FSTL5: variants seen among roughly 807,000 people sequenced by gnomAD.
The protein encoded by FSTL5 is follistatin-related protein 5.
Under a neutral mutation model 89.1 loss-of-function variants are expected in FSTL5, and 62 were observed. That is an observed-to-expected ratio of 0.70 (90% CI 0.57 to 0.86). The LOEUF (loss-of-function observed/expected upper bound fraction) is 0.86. Ranked by LOEUF, FSTL5 falls within the 40% of genes least tolerant of loss-of-function variation. The pLI, the probability that FSTL5 is intolerant of heterozygous loss-of-function variation, is 0.00. For synonymous variants in FSTL5, 383 were observed against 346.2 expected, an observed-to-expected ratio of 1.11 and a Z score of -1.18; for missense variants, 1,057 against 1,001.6, an observed-to-expected ratio of 1.06 and a Z score of -0.75.
intron 6 of FSTL5, among the ~76,000 whole-genome samples, chr4:161,661,948 A>G (rs1429950501): frequency 3.3e-5 from 5 of 152,234 alleles, no homozygotes; most frequent in African/African-American, 4.8e-5. Flanking sequence ...TGCCCAGTCT[A>G]TATTCTGAAG....
chr4:161,530,585 T>C (rs10016703), intron 10 of FSTL5, among the ~76,000 whole-genome samples: 3 of 151,932 alleles, frequency 2.0e-5, no homozygotes, highest in Non-Finnish European at 4.4e-5. Context: ...TATTGCAATA[T>C]GGTAAGATTT....
chr4:161,536,803 T>C (rs369288786), intron 10 of FSTL5, among the ~76,000 whole-genome samples: 29 of 152,248 alleles, frequency 1.9e-4, no homozygotes, highest in African/African-American at 7.0e-4. Context: ...AACATTAAAA[T>C]AAATTAAGAA....
chr4:161,776,007 T>G lies in FSTL5; in HGVS notation c.477A>C (p.Lys159Asn), dbSNP rs761632916. The G allele has an allele frequency of 1.3e-6, 2 of 1,597,002 alleles. No individual in the cohort carries two copies. The highest frequency in any genetic ancestry group is 1.3e-5 in the African/African-American group (1 of 74,478). ...KNMLLDLQNQ[K>N]YIMQENENPN... The stretch of plus-strand genomic sequence containing the variant: ...GATTTTCATTTTCTTGCATAATATA[T>G]TTTTGATTTTGTAAATCTAATAGCA... The change falls in exon 5 of 16, where the codon AAA (lysine) becomes AAC (asparagine). Residue 159 changes from lysine to asparagine, a missense_variant. This residue lies in a region of FSTL5 where 980 missense variants were observed against 903.2 expected (regional missense o/e 1.08). Transcript: ENST00000306100.
intron 6 of FSTL5, among the ~76,000 whole-genome samples, chr4:161,699,252 T>C (rs1409448418): frequency 6.6e-6 from 1 of 152,220 alleles, no homozygotes; most frequent in East Asian, 1.9e-4. Flanking sequence ...ACTTTTCATA[T>C]TAAATCGTGC....
chr4:162,112,566 C>T (rs1731485955), intron 1 of FSTL5, among the ~76,000 whole-genome samples: 3 of 152,034 alleles, frequency 2.0e-5, no homozygotes, highest in Admixed American at 2.0e-4. Flanking sequence ...TTTTAAACTC[C>T]CTTTCTCAAT....
intron 2 of FSTL5, among the ~76,000 whole-genome samples, chr4:162,056,577 C>A (rs1021593083): frequency 6.6e-6 from 1 of 152,086 alleles, no homozygotes; most frequent in Non-Finnish European, 1.5e-5. Flanking sequence ...CTATTGGAAT[C>A]AATATGCATA....
In FSTL5 at chr4:161,709,891, A is replaced by G. The variant is rs572686400; in HGVS notation, c.727+49520T>C. The stretch of plus-strand genomic sequence containing the variant: ...GGAACAAAAATAAAAAAGAATATTA[A>G]TATTTAAATGGGAATTTTGGTGGCA... On this transcript the variant is annotated intron_variant, in intron 6 of 15. Coordinates refer to ENST00000306100, the MANE Select transcript of FSTL5 (RefSeq NM_020116.5). Among the ~76,000 whole-genome samples, 4 of 152,284 alleles carry G rather than the reference A, an allele frequency of 2.6e-5. No individual in the cohort carries two copies. In the East Asian group the frequency reaches 7.7e-4, roughly 29 times the overall value.
intron 15 of FSTL5, among the ~76,000 whole-genome samples, chr4:161,452,465 G>T (rs1733198818): frequency 6.8e-6 from 1 of 147,456 alleles, no homozygotes; most frequent in Non-Finnish European, 1.5e-5. Flanking sequence ...GACAGAGGGA[G>T]ACTCTGTCTC....
At chr4:161,991,031 A>G (rs1218497769) in intron 3 of FSTL5, among the ~76,000 whole-genome samples, 1 of 152,186 alleles carries the variant, frequency 6.6e-6, no homozygotes, top group African/African-American at 2.4e-5. Context: ...AAAATTCTCT[A>G]GATATGAACC....
intron 15 of FSTL5, among the ~76,000 whole-genome samples, chr4:161,389,025 T>C (rs538636314): frequency 1.1e-3 from 161 of 152,246 alleles, no homozygotes; most frequent in South Asian, 6.4e-3. Flanking sequence ...GGGCTGGAGA[T>C]GTAGCTACAT....
chr4:161,410,935 C>T (rs767574376), intron 15 of FSTL5, among the ~76,000 whole-genome samples: 1 of 120,166 alleles, frequency 8.3e-6, no homozygotes, highest in African/African-American at 2.9e-5. Flanking sequence ...ATTAATGAAA[C>T]CAAGGGTTGG....
chr4:161,437,952 A>T (rs1387769783), intron 15 of FSTL5, among the ~76,000 whole-genome samples: 1 of 152,118 alleles, frequency 6.6e-6, no homozygotes, highest in Admixed American at 6.5e-5. Flanking sequence ...CGGAAGACTT[A>T]CTCCTCCGAA....
At chr4:161,477,684 T>G (rs1191825748) in intron 13 of FSTL5, among the ~76,000 whole-genome samples, 2 of 151,860 alleles carry the variant, frequency 1.3e-5, no homozygotes, top group Admixed American at 1.3e-4. Context: ...TTTAAACTAT[T>G]ATTTAACATA....
chr4:161,696,326 T>A (rs536965147), intron 6 of FSTL5, among the ~76,000 whole-genome samples: 3 of 152,330 alleles, frequency 2.0e-5, no homozygotes, highest in Admixed American at 6.5e-5. Context: ...TTATGACTAT[T>A]TTTATAGCAG....
intron 4 of FSTL5, among the ~76,000 whole-genome samples, chr4:161,875,983 T>C (rs2126905144): frequency 6.6e-6 from 1 of 152,334 alleles, no homozygotes; most frequent in Non-Finnish European, 1.5e-5. Context: ...AAAGTCATTC[T>C]TTCTAAACCT....
chr4:161,841,335 G>A (rs2126871932), intron 4 of FSTL5, among the ~76,000 whole-genome samples: 1 of 152,186 alleles, frequency 6.6e-6, no homozygotes, highest in African/African-American at 2.4e-5. Context: ...AAAAAGTATT[G>A]TACAAAATAT....
intron 3 of FSTL5, among the ~76,000 whole-genome samples, chr4:162,000,235 T>C (rs938180453): frequency 2.6e-5 from 4 of 152,148 alleles, no homozygotes; most frequent in Non-Finnish European, 5.9e-5. Context: ...TTAAACCACT[T>C]ACAGTCTTTA....
intron 6 of FSTL5, among the ~76,000 whole-genome samples, chr4:161,737,656 A>C (rs1184980273): frequency 6.6e-6 from 1 of 152,070 alleles, no homozygotes; most frequent in Non-Finnish European, 1.5e-5. Context: ...GAAAATCAAC[A>C]AATACAGTTT....
intron 8 of FSTL5, among the ~76,000 whole-genome samples, chr4:161,580,989 G>T (rs1733415877): frequency 6.6e-6 from 1 of 152,074 alleles, no homozygotes; most frequent in Admixed American, 6.5e-5. Flanking sequence ...TGAGGCAAAA[G>T]CCTGAAATGA....
Sources: gnomAD v4.1 joint callset for allele counts (sites outside exome capture counted in the v4.1 genomes callset) on GRCh38, gnomAD v4.1.1 for gene constraint, gnomAD v4.1.1 regional missense constraint, MANE v1.5 for transcripts, NCBI Gene and HGNC (gene_info 2026-07-23, HGNC 2026-07-21) for gene names.